The following CPNE4 variants were observed in gnomAD, a reference collection of about 807,000 sequenced individuals.
CPNE4 encodes copine 4.
A neutral mutation model predicts 67.9 loss-of-function variants in CPNE4; 25 were observed. The ratio of observed to expected loss-of-function variants is 0.37; its 90% confidence interval spans 0.27 to 0.51. The LOEUF is 0.51. CPNE4 is among the 20% of genes least tolerant of loss of function. The probability of loss-of-function intolerance (pLI) is 0.93; values close to 1 mark genes in which losing one functional copy is unlikely to be tolerated. For synonymous variants in CPNE4, 242 were observed against 244.9 expected, an observed-to-expected ratio of 0.99 and a Z score of 0.11; for missense variants, 464 against 690.8, an observed-to-expected ratio of 0.67 and a Z score of 3.68.
At position 131,751,777 on chromosome 3, in the gene CPNE4, T is replaced by TG. The variant is rs2082633587; in HGVS notation, c.181-28153_181-28152insC. Among the ~76,000 whole-genome samples, 12 of 139,824 alleles carry TG rather than the reference T, an allele frequency of 8.6e-5. No individual in the cohort carries two copies. The Admixed American group carries it at 8.8e-4, about 10-fold the overall frequency. The allele number at this position is 139,824 out of a possible 152,430, so 91.7% of individuals were successfully genotyped here. A position where few individuals can be genotyped will look rare whatever the true frequency, so the allele number is the denominator to read the frequency against. ...TTCTGTTTAGCTGTTTTTTTTTTGT[T>TG]TTTTTGTTTGTTTGTTTGTTTTTTC... On this transcript the variant is annotated intron_variant, in intron 2 of 15. Transcript: ENST00000429747.
intron 1 of CPNE4, among the ~76,000 whole-genome samples, chr3:131,974,349 T>C (rs1254761135): frequency 6.6e-6 from 1 of 152,184 alleles, no homozygotes; most frequent in Non-Finnish European, 1.5e-5. Flanking sequence ...TGTATGTATA[T>C]ACGCATCTAC....
At chr3:131,818,303 C>T (rs1020971603) in intron 2 of CPNE4, among the ~76,000 whole-genome samples, 18 of 152,208 alleles carry the variant, frequency 1.2e-4, no homozygotes, top group Non-Finnish European at 7.4e-5. Flanking sequence ...AGAAGCTTCA[C>T]AGCGTAAGGC....
chr3:131,839,420 A>T (rs1438001581), intron 2 of CPNE4, among the ~76,000 whole-genome samples: 1 of 151,132 alleles, frequency 6.6e-6, no homozygotes, highest in Non-Finnish European at 1.5e-5. Context: ...AATATATATC[A>T]TACATTATAT....
intron 10 of CPNE4, 137 bp downstream of exon 10, chr3:131,574,934 G>C: frequency 1.5e-6 from 1 of 682,334 alleles, no homozygotes; most frequent in Non-Finnish European, 2.6e-6. Flanking sequence ...GATACCATAC[G>C]CTTCAACAAT....
chr3:131,932,155 G>A (rs1034414964), intron 1 of CPNE4, among the ~76,000 whole-genome samples: 4 of 152,126 alleles, frequency 2.6e-5, no homozygotes, highest in African/African-American at 7.2e-5. Flanking sequence ...GAGGACAGGA[G>A]GTCTCCAAAC....
In CPNE4 at chr3:131,877,192, T is replaced by G. The variant is rs181639888; in HGVS notation, c.180+28072A>C. Among the ~76,000 whole-genome samples, 16 of 152,086 alleles carry G rather than the reference T, an allele frequency of 1.1e-4. 1 individual carries two copies. The East Asian group carries it at 3.1e-3, about 29-fold the overall frequency. ...CTGAGCAGTGTTGTAGGGACAAAATTTTGTCCTTTAAAAAAGGATTCCAGA... is the reference window on the plus strand; with the variant it reads ...CTGAGCAGTGTTGTAGGGACAAAATGTTGTCCTTTAAAAAAGGATTCCAGA... On this transcript the variant is annotated intron_variant, in intron 2 of 15. Coordinates refer to ENST00000429747, the MANE Select transcript of CPNE4 (RefSeq NM_130808.3).
At chr3:131,849,864 C>T (rs1017167751) in intron 2 of CPNE4, among the ~76,000 whole-genome samples, 8 of 152,118 alleles carry the variant, frequency 5.3e-5, no homozygotes, top group African/African-American at 1.9e-4. Flanking sequence ...TAAATAAAGT[C>T]CTATTCCTGT....
intron 2 of CPNE4, among the ~76,000 whole-genome samples, chr3:131,847,588 A>G (rs1370680349): frequency 6.6e-6 from 1 of 152,166 alleles, no homozygotes; most frequent in Non-Finnish European, 1.5e-5. Context: ...GCCAAAATAT[A>G]GGTCCATTCA....
At chr3:131,723,646 C>A (rs1464375049) in intron 2 of CPNE4, 21 bp from the exon 3 acceptor site, 7 of 1,596,212 alleles carry the variant, frequency 4.4e-6, no homozygotes, top group African/African-American at 2.7e-5. Context: ...AAAGAGAAAA[C>A]CTATCAGAGA....
At chr3:131,981,889 G>T (rs895234245) in intron 1 of CPNE4, among the ~76,000 whole-genome samples, 1 of 152,172 alleles carries the variant, frequency 6.6e-6, no homozygotes, top group Non-Finnish European at 1.5e-5. Context: ...GGAGAGGAGG[G>T]TCTCCCTTTC....
intron 1 of CPNE4, among the ~76,000 whole-genome samples, chr3:132,002,069 T>C (rs1425805392): frequency 1.3e-5 from 2 of 152,106 alleles, no homozygotes; most frequent in Admixed American, 1.3e-4. Flanking sequence ...ACAGACCCAG[T>C]AGCGCCAGCT....
chr3:131,593,768 G>C (rs1476957292), intron 7 of CPNE4, among the ~76,000 whole-genome samples: 1 of 152,078 alleles, frequency 6.6e-6, no homozygotes, highest in Non-Finnish European at 1.5e-5. Flanking sequence ...CTGGAGTGCA[G>C]TGGCATGATC....
chr3:131,905,288 C>T lies in CPNE4; in HGVS notation c.156G>A (p.Met52Ile), dbSNP rs778507955. The T allele has an allele frequency of 6.2e-7, 1 of 1,613,318 alleles. No individual in the cohort carries two copies. The highest frequency in any genetic ancestry group is 1.1e-5 in the South Asian group (1 of 91,020). The change falls in exon 2 of 16, where the codon ATG becomes ATA. Residue 52 changes from methionine (M) to isoleucine (I), a missense_variant. By Grantham distance (10) the Met-to-Ile change is conservative. Around this residue, in one of 6 missense-constraint regions of CPNE4, gnomAD observed 170 missense variants for 203.3 expected, o/e 0.84. Coordinates refer to ENST00000429747, the MANE Select transcript of CPNE4 (RefSeq NM_130808.3). ...SKPDPCVILKMQSHGQWFEVD... is the reference protein window; with the variant it reads ...SKPDPCVILKIQSHGQWFEVD... ...CCTCAAACCACTGCCCATGAGACTG[C>T]ATCTTGAGGATGACACAGGGGTCTG... is the stretch of plus-strand genomic sequence containing the variant.
chr3:131,704,364 G>A (rs2081370719), intron 3 of CPNE4, among the ~76,000 whole-genome samples: 1 of 152,166 alleles, frequency 6.6e-6, no homozygotes, highest in South Asian at 2.1e-4. Context: ...GTGACTGATG[G>A]TCTTTGGTAC....
chr3:131,878,185 A>C (rs563226505), intron 2 of CPNE4, among the ~76,000 whole-genome samples: 1 of 152,350 alleles, frequency 6.6e-6, no homozygotes, highest in African/African-American at 2.4e-5. Flanking sequence ...TTATAGCAGA[A>C]TAATTCTTAA....
chr3:131,794,357 G>T (rs2083862690), intron 2 of CPNE4, among the ~76,000 whole-genome samples: 1 of 151,706 alleles, frequency 6.6e-6, no homozygotes, highest in Admixed American at 6.6e-5. Flanking sequence ...GGATTCTCCT[G>T]CCTCAGCCTC....
chr3:131,538,423 G>T (rs1192708499), intron 15 of CPNE4, among the ~76,000 whole-genome samples: 1 of 152,176 alleles, frequency 6.6e-6, no homozygotes, highest in Non-Finnish European at 1.5e-5. Context: ...AAGGCTTTGG[G>T]GACATGTATT....
At chr3:131,561,344 TGTGTGTGTGTGTGCGCACATACATGC>T (rs1472411584) in intron 11 of CPNE4, among the ~76,000 whole-genome samples, 1 of 151,148 alleles carries the variant, frequency 6.6e-6, no homozygotes, top group Non-Finnish European at 1.5e-5. Flanking sequence ...GGCCTGTGTG[TGTGTGTGTGTGTGCGCACATACATGC>T]GTGTGTGTTT....
chr3:131,604,316 T>C (rs1939380790), intron 7 of CPNE4, among the ~76,000 whole-genome samples: 1 of 152,202 alleles, frequency 6.6e-6, no homozygotes, highest in African/African-American at 2.4e-5. Context: ...CCTAACCTTA[T>C]TGAAAAACAT....
Sources: gnomAD v4.1 joint callset for allele counts (sites outside exome capture counted in the v4.1 genomes callset) on GRCh38, gnomAD v4.1.1 for gene constraint, gnomAD v4.1.1 regional missense constraint, MANE v1.5 for transcripts, NCBI Gene and HGNC (gene_info 2026-07-23, HGNC 2026-07-21) for gene names.